Variants in CCDC186 observed in about 807,000 individuals in gnomAD.
CCDC186 encodes coiled-coil domain-containing protein 186.
CCDC186 carries 49 observed loss-of-function variants against 113.7 expected under a neutral mutation model. That is an observed-to-expected ratio of 0.43 (90% CI 0.34 to 0.55). The LOEUF is 0.55. Ranked by LOEUF, CCDC186 falls within the 20% of genes least tolerant of loss-of-function variation. The pLI, the probability that CCDC186 is intolerant of heterozygous loss-of-function variation, is 0.02. For synonymous variants in CCDC186, 355 were observed against 345.8 expected, an observed-to-expected ratio of 1.03 and a Z score of -0.30; for missense variants, 890 against 1,011.1, an observed-to-expected ratio of 0.88 and a Z score of 1.62.
At chr10:114,154,270 C>G (rs191055310) in intron 3 of CCDC186, among the ~76,000 whole-genome samples, 27 of 144,978 alleles carry the variant, frequency 1.9e-4, no homozygotes, top group Middle Eastern at 3.6e-3. Context: ...AAACCAAAAA[C>G]TGGTTCTCTG....
At chr10:114,152,668 G>A (rs2031890753) in intron 3 of CCDC186, among the ~76,000 whole-genome samples, 1 of 152,130 alleles carries the variant, frequency 6.6e-6, no homozygotes, top group Non-Finnish European at 1.5e-5. Context: ...TTAAATGAAA[G>A]TGGATTTAAT....
At chr10:114,140,711 A>G (rs917900603) in intron 6 of CCDC186, among the ~76,000 whole-genome samples, 2 of 152,140 alleles carry the variant, frequency 1.3e-5, no homozygotes, top group Non-Finnish European at 2.9e-5. Context: ...TTAATCTGCT[A>G]TTAATTCCAT....
chr10:114,158,010 A>G (rs2119817593), intron 2 of CCDC186, among the ~76,000 whole-genome samples: 1 of 152,318 alleles, frequency 6.6e-6, no homozygotes, highest in Admixed American at 6.5e-5. Flanking sequence ...CTCTTCAAAT[A>G]AGTGGTTCTC....
At chr10:114,132,292 C>G (rs2031113870) in intron 10 of CCDC186, 108 bp from the exon 11 acceptor site, 1 of 793,360 alleles carries the variant, frequency 1.3e-6, no homozygotes, top group East Asian at 2.8e-5. Flanking sequence ...TACTTCTATT[C>G]ATTCATCCAA....
At chr10:114,159,459 A>G (rs960588156) in intron 2 of CCDC186, among the ~76,000 whole-genome samples, 3 of 152,078 alleles carry the variant, frequency 2.0e-5, no homozygotes, top group East Asian at 1.9e-4. Flanking sequence ...CCTGGCAAAC[A>G]TGGTGAAACC....
At chr10:114,149,145 T>A (rs1392678316) in intron 4 of CCDC186, among the ~76,000 whole-genome samples, 2 of 152,206 alleles carry the variant, frequency 1.3e-5, no homozygotes, top group African/African-American at 4.8e-5. Context: ...ATCCACTTCT[T>A]AGGGTTGTTG....
At chr10:114,149,858 A>AGGCAGGC (rs2031792827) in intron 4 of CCDC186, among the ~76,000 whole-genome samples, 2 of 125,044 alleles carry the variant, frequency 1.6e-5, no homozygotes, top group Non-Finnish European at 3.6e-5. Context: ...GGCAGGCAGG[A>AGGCAGGC]AGGCAGGCAG....
In CCDC186 at chr10:114,134,881, A is replaced by G. The variant is rs768186898; in HGVS notation, c.1655+32T>C. ...TGAAATAAAATTTAAAAGCTTGCTT[A>G]TTAATACAAACAGAAGTTGCTCATT... On this transcript the variant is annotated intron_variant, in intron 10 of 15. Transcript: ENST00000369287. 1.3e-5 allele frequency: 21 copies of G among 1,574,510 alleles called. No individual in the cohort carries two copies. The South Asian group carries it at 2.6e-4, about 19-fold the overall frequency.
At position 114,132,120 on chromosome 10, in the gene CCDC186, G is replaced by T. The variant is rs2031108271; in HGVS notation, c.1720C>A (p.Leu574Ile). ...VESLNSLIND[L>I]QKDIEGSRKR... ...CTACTGCCTTCGATGTCTTTTTGTAGGTCATTAATCAAAGAATTAAGACTT... is the reference window on the plus strand; with the variant it reads ...CTACTGCCTTCGATGTCTTTTTGTATGTCATTAATCAAAGAATTAAGACTT... The change falls in exon 11 of 16, where the codon CTA (leucine) becomes ATA (isoleucine). Residue 574 changes from leucine (L) to isoleucine (I), a missense_variant. By Grantham distance (5) the Leu-to-Ile change is conservative. Transcript: ENST00000369287. 1 of 1,612,082 alleles carries T rather than the reference G, an allele frequency of 6.2e-7. No individual in the cohort carries two copies. Among genetic ancestry groups the T allele is most frequent in the South Asian group, 1.1e-5 (1 of 90,882 alleles).
At chr10:114,129,000 A>G (rs536987872) in intron 13 of CCDC186, among the ~76,000 whole-genome samples, 1 of 152,286 alleles carries the variant, frequency 6.6e-6, no homozygotes, top group African/African-American at 2.4e-5. Context: ...ATAAAGCAGC[A>G]GCAGGCTAGA....
At chr10:114,136,099 T>G in intron 8 of CCDC186, 49 bp downstream of exon 8, 1 of 1,540,696 alleles carries the variant, frequency 6.5e-7, no homozygotes, top group East Asian at 2.3e-5. Context: ...TATTTCTCTT[T>G]CTGTATTTAT....
chr10:114,167,015 G>GTTT (rs201434736), intron 1 of CCDC186, among the ~76,000 whole-genome samples: 6 of 127,232 alleles, frequency 4.7e-5, no homozygotes, highest in Admixed American at 1.6e-4. Context: ...TTGCAAGCTG[G>GTTT]TTTTTTTTTT....
At chr10:114,150,822 C>G (rs537421731) in intron 4 of CCDC186, among the ~76,000 whole-genome samples, 7 of 151,878 alleles carry the variant, frequency 4.6e-5, no homozygotes, top group African/African-American at 1.7e-4. Flanking sequence ...CTAAACTTTT[C>G]GTATTTTTAG....
At chr10:114,146,633 TCA>T (rs1437228965) in intron 4 of CCDC186, among the ~76,000 whole-genome samples, 1 of 152,258 alleles carries the variant, frequency 6.6e-6, no homozygotes, top group Non-Finnish European at 1.5e-5. Context: ...TTCTGAAATT[TCA>T]CAGAATGAAA....
chr10:114,152,483 T>C (rs998973254), intron 3 of CCDC186, among the ~76,000 whole-genome samples: 1 of 152,140 alleles, frequency 6.6e-6, no homozygotes, highest in Non-Finnish European at 1.5e-5. Context: ...TCCCCTCAGA[T>C]AAGGGGGAAC....
At position 114,166,471 on chromosome 10, in the gene CCDC186, CTCA is replaced by C. The variant is rs1224376699; in HGVS notation, c.-61-3145_-61-3143del. Among the ~76,000 whole-genome samples the C allele has an allele frequency of 2.6e-5, 4 of 152,346 alleles. No homozygotes were observed. The East Asian group carries it at 7.7e-4, about 29-fold the overall frequency. ...TAAATTTAAAAACACTGCATTTACA[CTCA>C]TCAAGCACATAGAGCCTTTCTTGTG... is the stretch of plus-strand genomic sequence containing the variant. On this transcript the variant is annotated intron_variant, in intron 1 of 15. Coordinates refer to ENST00000369287, the MANE Select transcript of CCDC186 (RefSeq NM_018017.4).
intron 1 of CCDC186, among the ~76,000 whole-genome samples, chr10:114,164,788 A>G (rs1355575975): frequency 6.6e-6 from 1 of 152,262 alleles, no homozygotes; most frequent in Admixed American, 6.5e-5. Context: ...GCATGGTTAC[A>G]TCAGGCTGGG....
At position 114,131,967 on chromosome 10, in the gene CCDC186, T is replaced by A; in HGVS notation, c.1873A>T (p.Ser625Cys). 2 of 1,612,298 alleles carry A rather than the reference T, an allele frequency of 1.2e-6. No individual in the cohort carries two copies. Among genetic ancestry groups the A allele is most frequent in the Non-Finnish European group, 1.7e-6 (2 of 1,179,220 alleles). The stretch of plus-strand genomic sequence containing the variant: ...GTCTGTTTCATTTGTTCACACTGGC[T>A]TTGTAACTGACTTTCACTACAGGAA... Reference protein sequence around the residue: ...KVSCSESQLQSQCEQMKQTNI... With the variant: ...KVSCSESQLQCQCEQMKQTNI... The change falls in exon 11 of 16, where the codon AGC (serine) becomes TGC (cysteine). Residue 625 changes from serine (S) to cysteine (C), a missense_variant. By Grantham distance (112) the Ser-to-Cys change is moderately radical. Coordinates refer to ENST00000369287, the MANE Select transcript of CCDC186 (RefSeq NM_018017.4).
intron 13 of CCDC186, among the ~76,000 whole-genome samples, chr10:114,128,102 G>A (rs2119682492): frequency 6.6e-6 from 1 of 152,200 alleles, no homozygotes; most frequent in East Asian, 1.9e-4. Flanking sequence ...TGTGACTTTG[G>A]ACAAGGTATT....
Sources: gnomAD v4.1 joint callset for allele counts (sites outside exome capture counted in the v4.1 genomes callset) on GRCh38, gnomAD v4.1.1 for gene constraint, MANE v1.5 for transcripts, NCBI Gene and HGNC (gene_info 2026-07-23, HGNC 2026-07-21) for gene names.